NPAS2: variants seen among roughly 807,000 people sequenced by gnomAD.
NPAS2 encodes neuronal PAS domain-containing protein 2.
NPAS2 carries 23 observed loss-of-function variants against 107.5 expected under a neutral mutation model. That is an observed-to-expected ratio of 0.21 (90% CI 0.15 to 0.30). The LOEUF (loss-of-function observed/expected upper bound fraction) is 0.30, where lower values mean the gene tolerates loss of function less well. NPAS2 is among the 10% of genes least tolerant of loss of function. The pLI, the probability that NPAS2 is intolerant of heterozygous loss-of-function variation, is 1.00. For missense variants in NPAS2, 756 were observed against 1,043.3 expected, an observed-to-expected ratio of 0.72 and a Z score of 3.79; for synonymous variants, 403 against 417.5, an observed-to-expected ratio of 0.97 and a Z score of 0.42.
intron 1 of NPAS2, 28 bp from the exon 2 acceptor site, chr2:100,904,704 CT>C (rs771700574): frequency 7.4e-7 from 1 of 1,357,222 alleles, no homozygotes; most frequent in Non-Finnish European, 1.0e-6. Context: ...ATTATCCATT[CT>C]TTTTAATTTT....
chr2:100,969,353 C>G (rs1676412663), intron 11 of NPAS2, among the ~76,000 whole-genome samples: 1 of 152,130 alleles, frequency 6.6e-6, no homozygotes, highest in Non-Finnish European at 1.5e-5. Context: ...CCACTTGTCC[C>G]CTACCACCAC....
intron 2 of NPAS2, among the ~76,000 whole-genome samples, chr2:100,912,042 T>G (rs1182277316): frequency 6.6e-6 from 1 of 152,212 alleles, no homozygotes; most frequent in Non-Finnish European, 1.5e-5. Flanking sequence ...CTGTCTTCAC[T>G]GAGCATCGTG....
At chr2:100,991,057 C>G (rs1419601610) in intron 19 of NPAS2, among the ~76,000 whole-genome samples, 185 bp downstream of exon 19, 1 of 152,184 alleles carries the variant, frequency 6.6e-6, no homozygotes, top group African/African-American at 2.4e-5. Context: ...CCCAATTAAG[C>G]AGAAAAAACT....
rs139314662 is a variant in NPAS2, at chr2:100,938,328, G to C, written c.363+486G>C. ...GTGGTAAGGGTTTGGCAGCAGGGCC[G>C]GTTCCTGGGGGTTGAACTGCTCTGG... is the stretch of plus-strand genomic sequence containing the variant. On this transcript the variant is annotated intron_variant, in intron 5 of 20. Transcript: ENST00000335681. Among the ~76,000 whole-genome samples the C allele has an allele frequency of 1.3e-3, 199 of 152,236 alleles. 3 individuals carry two copies. The East Asian group carries it at 0.038, about 29-fold the overall frequency.
upstream of NPAS2, among the ~76,000 whole-genome samples, chr2:100,819,943 G>A (rs1324583275): frequency 6.6e-6 from 1 of 151,926 alleles, no homozygotes; most frequent in African/African-American, 2.4e-5. The surrounding 1 kb of genome is among the most constrained non-coding windows in gnomAD (Gnocchi z 5.8). Context: ...CTAGGGGGCC[G>A]GGGGTCCGTC....
intron 3 of NPAS2, among the ~76,000 whole-genome samples, chr2:100,927,507 T>C (rs1475703252): frequency 6.6e-6 from 1 of 152,230 alleles, no homozygotes; most frequent in Non-Finnish European, 1.5e-5. Flanking sequence ...AAATAGAAGC[T>C]CCTTCCTGTC....
chr2:100,821,635 A>ATC (rs998538486), intron 1 of NPAS2, among the ~76,000 whole-genome samples: 3 of 152,148 alleles, frequency 2.0e-5, no homozygotes, highest in Non-Finnish European at 2.9e-5. Context: ...CTCTGCCAGC[A>ATC]TCTCTCTCTC....
chr2:100,881,345 T>C (rs1231958147), intron 1 of NPAS2, among the ~76,000 whole-genome samples: 1 of 150,844 alleles, frequency 6.6e-6, no homozygotes, highest in African/African-American at 2.4e-5. Context: ...TCAGAATCCA[T>C]ACTTTAGCAA....
rs747440297 is a variant in NPAS2 at position 100,995,380 on chromosome 2, C to G, written c.2293-20C>G. 6.2e-7 allele frequency: 1 copy of G among 1,603,978 alleles called. No homozygotes were observed. Among genetic ancestry groups the G allele is most frequent in the South Asian group, 1.1e-5 (1 of 89,560 alleles). On this transcript the variant is annotated intron_variant, in intron 20 of 20. Transcript: ENST00000335681. ...GGACATCAGAACCACCTCTGAAGCC[C>G]TTTGTTCTTTTTTTTCTAGGTACAG...
chr2:100,836,650 G>A (rs528736590), intron 1 of NPAS2, among the ~76,000 whole-genome samples: 9 of 152,264 alleles, frequency 5.9e-5, no homozygotes, highest in Non-Finnish European at 8.8e-5. Flanking sequence ...TGGCTCTACC[G>A]AGTGAATGCC....
intron 5 of NPAS2, among the ~76,000 whole-genome samples, chr2:100,939,185 T>C (rs1055650673): frequency 1.3e-5 from 2 of 152,204 alleles, no homozygotes. Context: ...GTGCAAATGA[T>C]GCTGTGTGCA....
chr2:100,982,085 A>G (rs868053442), intron 15 of NPAS2, 146 bp from the exon 16 acceptor site: 2 of 964,350 alleles, frequency 2.1e-6, no homozygotes, highest in East Asian at 5.3e-5. Context: ...TTCACTGCCC[A>G]GGACCCAGCC....
chr2:100,872,813 C>T (rs887735320), intron 1 of NPAS2, among the ~76,000 whole-genome samples: 1 of 152,092 alleles, frequency 6.6e-6, no homozygotes, highest in African/African-American at 2.4e-5. Context: ...TCAGCATCCA[C>T]CTCCAGGAAG....
At position 100,892,122 on chromosome 2, in the gene NPAS2, A is replaced by T. The variant is rs558220428; in HGVS notation, c.-22-12611A>T. The stretch of plus-strand genomic sequence containing the variant: ...TGTGCCATCCGAACTCTTGATAGAG[A>T]GTCCCCCTAAAAGGAACCTGAGGTG... On this transcript the variant is annotated intron_variant, in intron 1 of 20. Coordinates refer to ENST00000335681, the MANE Select transcript of NPAS2 (RefSeq NM_002518.4). Among the ~76,000 whole-genome samples, 12 of 152,310 alleles carry T rather than the reference A, an allele frequency of 7.9e-5. No homozygotes were observed. The East Asian group carries it at 2.1e-3, about 27-fold the overall frequency.
chr2:100,913,681 C>G (rs1682695092), intron 2 of NPAS2, among the ~76,000 whole-genome samples: 1 of 152,134 alleles, frequency 6.6e-6, no homozygotes, highest in Non-Finnish European at 1.5e-5. Context: ...ATTCCTGATC[C>G]AGCTCACAGA....
Position 100,961,375 on chromosome 2 carries a change from T to C in NPAS2, c.599-2683T>C, listed in dbSNP as rs564860364. Among the ~76,000 whole-genome samples the C allele has an allele frequency of 4.6e-5, 7 of 152,304 alleles. No homozygotes were observed. In the East Asian group the frequency reaches 1.4e-3, roughly 29 times the overall value. On this transcript the variant is annotated intron_variant, in intron 7 of 20. Transcript: ENST00000335681. ...CTTTGCCTTAGTTTTCCCCAAGGTT[T>C]TCTCCTTGGCCTCTATTAAAGCATT...
In NPAS2 at chr2:100,976,434, T is replaced by A. The variant is rs1471403705; in HGVS notation, c.1392+867T>A. Among the ~76,000 whole-genome samples the A allele has an allele frequency of 6.6e-6, 1 of 152,032 alleles. No homozygotes were observed. The highest frequency in any genetic ancestry group is 1.5e-5 in the Non-Finnish European group (1 of 67,988). ...CTGTGACCTAGCCACGGAAGTCATA[T>A]AGTATCACCACTGCCATACCTCTTG... On this transcript the variant is annotated intron_variant, in intron 14 of 20. Transcript: ENST00000335681. The surrounding 1 kb of genome is among the most constrained non-coding windows in gnomAD (Gnocchi z 4.1).
upstream of NPAS2, among the ~76,000 whole-genome samples, chr2:100,819,475 C>T (rs1675921409): frequency 6.6e-6 from 1 of 152,184 alleles, no homozygotes; most frequent in South Asian, 2.1e-4. The surrounding 1 kb of genome is among the most constrained non-coding windows in gnomAD (Gnocchi z 5.8). Flanking sequence ...CCCCGCCTCC[C>T]ACCTGCCCCC....
At chr2:100,882,600 G>A (rs1462034129) in intron 1 of NPAS2, among the ~76,000 whole-genome samples, 1 of 151,928 alleles carries the variant, frequency 6.6e-6, no homozygotes, top group Admixed American at 6.6e-5. Flanking sequence ...GAGACAGAGC[G>A]AGACTCCGTC....
Sources: gnomAD v4.1 joint callset for allele counts (sites outside exome capture counted in the v4.1 genomes callset) on GRCh38, gnomAD v4.1.1 for gene constraint, Gnocchi (gnomAD v3.1) non-coding constraint, MANE v1.5 for transcripts, NCBI Gene and HGNC (gene_info 2026-07-23, HGNC 2026-07-21) for gene names.